Variants in SEMA4D observed in about 807,000 individuals in gnomAD.
SEMA4D encodes the protein semaphorin 4D, also known as semaphorin-4D.
A neutral mutation model predicts 74.8 loss-of-function variants in SEMA4D; 22 were observed. That is an observed-to-expected ratio of 0.29 (90% CI 0.21 to 0.42). The LOEUF (loss-of-function observed/expected upper bound fraction) is 0.42, where lower values mean the gene tolerates loss of function less well. Among genes scored for constraint, SEMA4D ranks in the 10% least tolerant of loss-of-function variants. The pLI is 1.00. For synonymous variants in SEMA4D, 445 were observed against 463.7 expected (o/e 0.96, Z 0.52); for missense variants, 937 against 1,118.4 (o/e 0.84, Z 2.31).
At chr9:89,396,621 G>T in intron 6 of SEMA4D, 116 bp downstream of exon 6, 2 of 897,686 alleles carry the variant, frequency 2.2e-6, no homozygotes, top group Non-Finnish European at 1.7e-6. Flanking sequence ...AGCTGGCTCT[G>T]AGAAAATCCT....
chr9:89,362,463 G>A (rs2132165468), intron 18 of SEMA4D: 1 of 1,613,980 alleles, frequency 6.2e-7, no homozygotes, highest in Admixed American at 1.7e-5. Context: ...ATCCTTGGTG[G>A]AACGGATGGG....
exon 17 of SEMA4D, chr9:89,363,828 T>C (rs1348749004): frequency 6.2e-7 from 1 of 1,614,164 alleles, no homozygotes; most frequent in South Asian, 1.1e-5. Flanking sequence ...CTTTCCCTGA[T>C]GGCGTCCTGC....
chr9:89,408,013 A>G (rs1843681802), intron 2 of SEMA4D, among the ~76,000 whole-genome samples: 1 of 152,242 alleles, frequency 6.6e-6, no homozygotes. Flanking sequence ...TAGGCTCCCA[A>G]TGAAGAAGAC....
At position 89,405,593 on chromosome 9, in the gene SEMA4D, G is replaced by A. The variant is rs191431597; in HGVS notation, c.-137C>T. ...ACAGCCTGGAGCTCGTGAACAGCGC[G>A]GTCCCTGAGAATCCACATTTCCCAG... On this transcript the variant is annotated 5_prime_UTR_variant, in exon 3 of 16. Coordinates refer to ENST00000422704, the MANE Select transcript of SEMA4D (RefSeq NM_001371194.2). 3.5e-4 allele frequency: 510 copies of A among 1,452,564 alleles called. 4 individuals carry two copies. In the African/African-American group the frequency reaches 5.6e-3, roughly 16 times the overall value. The allele number at this position is 1,452,564 out of a possible 1,614,324, so 90.0% of individuals were successfully genotyped here. A position where few individuals can be genotyped will look rare whatever the true frequency, so the allele number is the denominator to read the frequency against.
downstream of SEMA4D, among the ~76,000 whole-genome samples, chr9:89,376,035 G>A (rs34731447): frequency 0.13 from 19,384 of 152,036 alleles, 1,596 homozygotes; most frequent in Admixed American, 0.18. Flanking sequence ...ATCAGGTCTC[G>A]CTATGTTGCT....
At chr9:89,473,655 G>A (rs1280802961) in intron 1 of SEMA4D, among the ~76,000 whole-genome samples, 4 of 152,150 alleles carry the variant, frequency 2.6e-5, no homozygotes, top group East Asian at 1.9e-4. Context: ...TCAGGAGTTC[G>A]AAACCAGCCT....
At chr9:89,474,215 C>A (rs540676918) in intron 1 of SEMA4D, among the ~76,000 whole-genome samples, 2 of 152,346 alleles carry the variant, frequency 1.3e-5, no homozygotes, top group South Asian at 2.1e-4. Context: ...CTTCTAGACA[C>A]CTGGCACCAA....
intron 1 of SEMA4D, among the ~76,000 whole-genome samples, chr9:89,464,938 T>C (rs1858294906): frequency 6.6e-6 from 1 of 152,242 alleles, no homozygotes; most frequent in Admixed American, 6.5e-5. Context: ...ATTAGCTTGC[T>C]TGCTTTATTT....
At chr9:89,375,854 T>C (rs531475189), downstream of SEMA4D, among the ~76,000 whole-genome samples, 1 of 152,346 alleles carries the variant, frequency 6.6e-6, no homozygotes, top group East Asian at 1.9e-4. Flanking sequence ...TCTCAATCTT[T>C]TCTGTTTTTA....
intron 2 of SEMA4D, among the ~76,000 whole-genome samples, chr9:89,415,613 G>A (rs1321777272): frequency 6.6e-6 from 1 of 152,218 alleles, no homozygotes; most frequent in African/African-American, 2.4e-5. Flanking sequence ...AACCATGTGA[G>A]AAGACGCTGT....
At chr9:89,488,891 G>A (rs1276283211) in intron 1 of SEMA4D, among the ~76,000 whole-genome samples, 2 of 152,154 alleles carry the variant, frequency 1.3e-5, no homozygotes, top group Non-Finnish European at 1.5e-5. Flanking sequence ...TGCAATACAA[G>A]TATCTGACAA....
In SEMA4D at chr9:89,413,952, A is replaced by C. The variant is rs1048103660; in HGVS notation, c.-243-8253T>G. Among the ~76,000 whole-genome samples, 164 of 152,216 alleles carry C rather than the reference A, an allele frequency of 1.1e-3. 1 individual carries two copies. The highest frequency in any genetic ancestry group is 3.6e-3 in the African/African-American group (151 of 41,450). On this transcript the variant is annotated intron_variant, in intron 2 of 15. Transcript: ENST00000422704. ...TGTGTCACTCTGTTGCAGAACATAC[A>C]TTCTGATCTAGTGTTGCATCTTAGA...
chr9:89,439,634 C>T (rs9410482), intron 2 of SEMA4D, among the ~76,000 whole-genome samples: 28,389 of 152,194 alleles, frequency 0.19, 2,964 homozygotes, highest in Middle Eastern at 0.29. Flanking sequence ...CAATGTGGTG[C>T]AGCATTTATT....
At chr9:89,493,956 T>A (rs556352871) in intron 1 of SEMA4D, among the ~76,000 whole-genome samples, 1 of 152,316 alleles carries the variant, frequency 6.6e-6, no homozygotes, top group African/African-American at 2.4e-5. Context: ...TGTACTATTA[T>A]TTAATTGTCA....
At chr9:89,382,651 G>A (rs149140704) in intron 13 of SEMA4D, among the ~76,000 whole-genome samples, 1 of 152,388 alleles carries the variant, frequency 6.6e-6, no homozygotes, top group East Asian at 1.9e-4. Context: ...GAAGGATTGA[G>A]GATGACATCC....
rs781095221 is a variant in SEMA4D, at chr9:89,379,646, AACG to A, written c.1664-20_1664-18del. On this transcript the variant is annotated intron_variant, in intron 15 of 15. Coordinates refer to ENST00000422704, the MANE Select transcript of SEMA4D (RefSeq NM_001371194.2). ...TACTTTTATCTGGAACATCAAAATA[AACG>A]TGCACAGCGTCAACAATCCCCATTT... 5.6e-6 allele frequency: 9 copies of A among 1,594,650 alleles called. No individual in the cohort carries two copies. Among genetic ancestry groups the A allele is most frequent in the Non-Finnish European group, 7.7e-6 (9 of 1,168,586 alleles).
chr9:89,376,661 G>A (rs149963775), downstream of SEMA4D: 173 of 960,794 alleles, frequency 1.8e-4, no homozygotes, highest in African/African-American at 2.4e-3. Flanking sequence ...AGTTTCCCTC[G>A]GGATGGACCC....
intron 2 of SEMA4D, among the ~76,000 whole-genome samples, chr9:89,411,806 C>G (rs4877083): frequency 2.6e-5 from 4 of 152,036 alleles, no homozygotes; most frequent in Admixed American, 2.6e-4. Context: ...CTAGGGCAGC[C>G]AGATCTGGGG....
At chr9:89,412,690 A>C (rs1020404887) in intron 2 of SEMA4D, among the ~76,000 whole-genome samples, 2 of 152,126 alleles carry the variant, frequency 1.3e-5, no homozygotes, top group Non-Finnish European at 2.9e-5. Flanking sequence ...TCGATGGCAT[A>C]AATCAGGCCC....
Sources: gnomAD v4.1 joint callset for allele counts (sites outside exome capture counted in the v4.1 genomes callset) on GRCh38, gnomAD v4.1.1 for gene constraint, MANE v1.5 for transcripts, NCBI Gene and HGNC (gene_info 2026-07-23, HGNC 2026-07-21) for gene names.